The following LYPD6B variants were observed in gnomAD, a reference collection of about 807,000 sequenced individuals.
The protein encoded by LYPD6B is LY6/PLAUR domain containing 6B.
A neutral mutation model predicts 22.8 loss-of-function variants in LYPD6B; 17 were observed. The ratio of observed to expected loss-of-function variants is 0.75; its 90% CI spans 0.51 to 1.12. The LOEUF is 1.12. LYPD6B is among the 50% of genes most tolerant of loss of function. The probability of loss-of-function intolerance (pLI) is 0.00; values close to 1 mark genes in which losing one functional copy is unlikely to be tolerated. For synonymous variants in LYPD6B, 106 were observed against 91.6 expected, an observed-to-expected ratio of 1.16 and a Z score of -0.90; for missense variants, 221 against 258.3, an observed-to-expected ratio of 0.86 and a Z score of 0.99.
At chr2:149,173,674 T>C (rs1691031209) in intron 3 of LYPD6B, among the ~76,000 whole-genome samples, 1 of 152,188 alleles carries the variant, frequency 6.6e-6, no homozygotes, top group African/African-American at 2.4e-5. Context: ...TGATGTAATA[T>C]CTTGTAACCA....
chr2:149,073,094 A>G (rs967918386), intron 1 of LYPD6B, among the ~76,000 whole-genome samples: 27 of 152,294 alleles, frequency 1.8e-4, no homozygotes, highest in African/African-American at 6.3e-4. Flanking sequence ...ATGCCCAGTC[A>G]CTGCTGGGTT....
At chr2:149,151,714 C>G (rs982589690) in intron 2 of LYPD6B, among the ~76,000 whole-genome samples, 5 of 152,122 alleles carry the variant, frequency 3.3e-5, no homozygotes, top group African/African-American at 1.2e-4. Flanking sequence ...GTTATTTGTA[C>G]TTTTCTGTAT....
chr2:149,159,975 C>T (rs1433266909), intron 2 of LYPD6B, among the ~76,000 whole-genome samples: 1 of 152,050 alleles, frequency 6.6e-6, no homozygotes, highest in African/African-American at 2.4e-5. Flanking sequence ...CATAGCCTAG[C>T]CAAGTTGATG....
intron 1 of LYPD6B, among the ~76,000 whole-genome samples, chr2:149,097,533 C>CA (rs1685960972): frequency 6.6e-6 from 1 of 152,202 alleles, no homozygotes; most frequent in Non-Finnish European, 1.5e-5. Context: ...ACTAGCAACT[C>CA]AGGGAGAGTC....
At chr2:149,165,013 T>TG (rs1028430406) in intron 3 of LYPD6B, among the ~76,000 whole-genome samples, 9 of 152,140 alleles carry the variant, frequency 5.9e-5, no homozygotes, top group African/African-American at 2.2e-4. Context: ...TGGGCTCAGC[T>TG]GGGTGGTTCT....
At chr2:149,080,716 C>T (rs751329254) in intron 1 of LYPD6B, among the ~76,000 whole-genome samples, 5 of 151,906 alleles carry the variant, frequency 3.3e-5, no homozygotes, top group Non-Finnish European at 5.9e-5. Context: ...GTGGCGTGCA[C>T]CTGTAGTACC....
At chr2:149,198,191 T>C (rs1017834217) in intron 3 of LYPD6B, among the ~76,000 whole-genome samples, 1 of 152,086 alleles carries the variant, frequency 6.6e-6, no homozygotes, top group Non-Finnish European at 1.5e-5. Context: ...TACAGGCACG[T>C]GCCACCAGCC....
intron 4 of LYPD6B, among the ~76,000 whole-genome samples, chr2:149,207,039 G>A (rs946658100): frequency 2.0e-5 from 3 of 151,998 alleles, no homozygotes; most frequent in Non-Finnish European, 2.9e-5. Context: ...AGATTTCCTG[G>A]AATTGGAATT....
intron 6 of LYPD6B, among the ~76,000 whole-genome samples, chr2:149,214,177 G>A (rs1694050769): frequency 6.6e-6 from 1 of 152,140 alleles, no homozygotes; most frequent in Non-Finnish European, 1.5e-5. Context: ...GAAAATCAAT[G>A]ACTAATCCGA....
intron 1 of LYPD6B, among the ~76,000 whole-genome samples, chr2:149,064,229 T>C (rs933420328): frequency 6.6e-6 from 1 of 152,240 alleles, no homozygotes; most frequent in Non-Finnish European, 1.5e-5. Flanking sequence ...ATTAAGGTTA[T>C]GGAAAACTAA....
chr2:149,124,032 A>G (rs997311020), intron 1 of LYPD6B, among the ~76,000 whole-genome samples: 1 of 152,188 alleles, frequency 6.6e-6, no homozygotes, highest in Non-Finnish European at 1.5e-5. Flanking sequence ...TTTTCTAGTT[A>G]AGGACCCACT....
chr2:149,169,638 CTT>C (rs1690684874), intron 3 of LYPD6B, among the ~76,000 whole-genome samples: 1 of 149,974 alleles, frequency 6.7e-6, no homozygotes, highest in African/African-American at 2.4e-5. Flanking sequence ...AATCTCTTCT[CTT>C]CCATTTTTCA....
intron 3 of LYPD6B, among the ~76,000 whole-genome samples, chr2:149,165,247 C>T (rs1196631170): frequency 1.3e-5 from 2 of 152,162 alleles, no homozygotes; most frequent in African/African-American, 4.8e-5. Flanking sequence ...AGCCTCTCTT[C>T]TGCCACATTC....
chr2:149,160,527 A>C, intron 2 of LYPD6B: 2 of 627,340 alleles, frequency 3.2e-6, no homozygotes, highest in Non-Finnish European at 5.9e-6. Context: ...GATGGGGCCC[A>C]GGTGTGTGTT....
chr2:149,109,250 T>A (rs918824595), intron 1 of LYPD6B, among the ~76,000 whole-genome samples: 4 of 152,222 alleles, frequency 2.6e-5, no homozygotes, highest in Non-Finnish European at 5.9e-5. Context: ...GTATCATACG[T>A]CTGAAAGTCT....
chr2:149,077,602 C>T (rs1325463032), intron 1 of LYPD6B: 6 of 152,082 alleles, frequency 3.9e-5, no homozygotes, highest in African/African-American at 1.2e-4. Flanking sequence ...TGAAGGTTTC[C>T]ATCCTTACTT....
intron 3 of LYPD6B, among the ~76,000 whole-genome samples, chr2:149,187,185 A>G (rs1165922829): frequency 6.6e-6 from 1 of 152,190 alleles, no homozygotes; most frequent in Admixed American, 6.5e-5. Flanking sequence ...AACCCACAAT[A>G]TCTCTGAGGT....
intron 2 of LYPD6B, among the ~76,000 whole-genome samples, chr2:149,139,187 G>C (rs942855564): frequency 1.3e-5 from 2 of 152,158 alleles, no homozygotes; most frequent in Non-Finnish European, 2.9e-5. Context: ...TTGCCTCCTG[G>C]AGCCCCTATG....
intron 1 of LYPD6B, among the ~76,000 whole-genome samples, chr2:149,109,256 A>T (rs1173056905): frequency 6.6e-6 from 1 of 152,148 alleles, no homozygotes; most frequent in Non-Finnish European, 1.5e-5. Flanking sequence ...TACGTCTGAA[A>T]GTCTTCATTT....
Sources: gnomAD v4.1 joint callset for allele counts (sites outside exome capture counted in the v4.1 genomes callset) on GRCh38, gnomAD v4.1.1 for gene constraint, MANE v1.5 for transcripts, NCBI Gene and HGNC (gene_info 2026-07-23, HGNC 2026-07-21) for gene names.